VPS50: variants seen among roughly 807,000 people sequenced by gnomAD.
VPS50 encodes the protein VPS50 subunit of EARP/GARPII complex.
VPS50 carries 70 observed loss-of-function variants against 139.7 expected under a neutral mutation model. The observed-to-expected ratio is 0.50, with a 90% CI of 0.41 to 0.61. The LOEUF (loss-of-function observed/expected upper bound fraction) is 0.61. VPS50 is among the 20% of genes least tolerant of loss of function. The pLI is 0.00. For synonymous variants in VPS50, 365 were observed against 376.7 expected (o/e 0.97, Z 0.36); for missense variants, 921 against 1,133.7 (o/e 0.81, Z 2.69).
chr7:93,289,598 A>G (rs982717100), intron 12 of VPS50, among the ~76,000 whole-genome samples: 5 of 152,034 alleles, frequency 3.3e-5, no homozygotes, highest in Admixed American at 1.3e-4. Flanking sequence ...TTCTATATCA[A>G]TGTTAGAGAG....
chr7:93,345,682 T>C (rs1798370014), intron 23 of VPS50, among the ~76,000 whole-genome samples: 1 of 152,028 alleles, frequency 6.6e-6, no homozygotes, highest in South Asian at 2.1e-4. Context: ...TATACACAAA[T>C]CAATAAATGT....
chr7:93,337,824 G>A (rs1246016417), intron 22 of VPS50, among the ~76,000 whole-genome samples: 1 of 152,006 alleles, frequency 6.6e-6, no homozygotes, highest in Non-Finnish European at 1.5e-5. Flanking sequence ...GCTTCTGCTT[G>A]AACATCTCCA....
Position 93,286,189 on chromosome 7 carries a change from CTATT to C in VPS50, c.943-5513_943-5510del, listed in dbSNP as rs141405811. On this transcript the variant is annotated intron_variant, in intron 12 of 27. Coordinates refer to ENST00000305866, the MANE Select transcript of VPS50 (RefSeq NM_017667.4). Reference sequence around the variant, plus strand: ...TGGTAATTAAATTTCGATTTCTTATCTATTCTTAAAAAAATTTCAAGATATGTTA... The same window carrying C: ...TGGTAATTAAATTTCGATTTCTTATCCTTAAAAAAATTTCAAGATATGTTA... Among the ~76,000 whole-genome samples, 358 of 152,148 alleles carry C rather than the reference CTATT, an allele frequency of 2.4e-3. 2 individuals carry two copies. The highest frequency in any genetic ancestry group is 7.9e-3 in the African/African-American group (327 of 41,526).
chr7:93,320,545 T>C (rs1797580950), intron 20 of VPS50: 1 of 148,518 alleles, frequency 6.7e-6, no homozygotes, highest in African/African-American at 2.6e-5. Context: ...TTTTTTTTAG[T>C]AGAGACGGGG....
chr7:93,246,070 C>T (rs1056285219), intron 2 of VPS50: 2 of 1,446,552 alleles, frequency 1.4e-6, no homozygotes, highest in Non-Finnish European at 1.9e-6. Flanking sequence ...AGATTTTGGT[C>T]ACTAAACGCT....
intron 21 of VPS50, among the ~76,000 whole-genome samples, chr7:93,331,660 T>C (rs1483647003): frequency 6.6e-6 from 1 of 152,144 alleles, no homozygotes; most frequent in Non-Finnish European, 1.5e-5. Flanking sequence ...AGAAAATCTT[T>C]GTGACATTTG....
At chr7:93,314,340 G>C (rs979832721) in intron 20 of VPS50, among the ~76,000 whole-genome samples, 6 of 152,180 alleles carry the variant, frequency 3.9e-5, no homozygotes, top group Non-Finnish European at 5.9e-5. Flanking sequence ...GTAAACAAAA[G>C]AGTGTTAATG....
intron 12 of VPS50, among the ~76,000 whole-genome samples, chr7:93,282,004 A>G (rs746418663): frequency 3.3e-5 from 5 of 152,128 alleles, no homozygotes; most frequent in Non-Finnish European, 7.3e-5. Context: ...GGAGATCGAG[A>G]CCATCCTGGC....
chr7:93,256,122 A>G (rs968232324), intron 4 of VPS50, among the ~76,000 whole-genome samples: 8 of 152,316 alleles, frequency 5.3e-5, no homozygotes, highest in African/African-American at 1.9e-4. Context: ...TCTTTTTCCC[A>G]GATATTGTCG....
chr7:93,241,896 G>A (rs985185314), intron 2 of VPS50, among the ~76,000 whole-genome samples: 8 of 151,828 alleles, frequency 5.3e-5, no homozygotes, highest in Non-Finnish European at 7.4e-5. Flanking sequence ...GTTGTTGCTA[G>A]TTCTTGATGA....
rs1796388194 is a variant in VPS50, at chr7:93,283,404, T to A, written c.942+7099T>A. Among the ~76,000 whole-genome samples, 4 of 151,910 alleles carry A rather than the reference T, an allele frequency of 2.6e-5. No individual in the cohort carries two copies. In the South Asian group the frequency reaches 8.3e-4, roughly 32 times the overall value. On this transcript the variant is annotated intron_variant, in intron 12 of 27. Transcript: ENST00000305866. ...GCTCCCACCACCACACCCGGCTAAT[T>A]TTTGTATTTTGATTAGAGACGAGGT...
chr7:93,239,325 AAAGAACTAAAGG>A (rs1794911354), intron 1 of VPS50, among the ~76,000 whole-genome samples: 1 of 152,206 alleles, frequency 6.6e-6, no homozygotes, highest in Non-Finnish European at 1.5e-5. Flanking sequence ...ACAGGGCACC[AAAGAACTAAAGG>A]ACAGGTAAAA....
rs753896446 is a variant in VPS50, at chr7:93,305,925, A to T, written c.1550A>T (p.Tyr517Phe). The T allele has an allele frequency of 4.3e-6, 7 of 1,612,200 alleles. No individual in the cohort carries two copies. The highest frequency in any genetic ancestry group is 5.9e-6 in the Non-Finnish European group (7 of 1,178,552). Residue 517 changes from tyrosine (Y) to phenylalanine (F), a missense_variant, in exon 18 of 28, where the codon TAC becomes TTC. Coordinates refer to ENST00000305866, the MANE Select transcript of VPS50 (RefSeq NM_017667.4). ...SSKTVTLFEQYCSGGNPFEIQ... is the reference protein window; with the variant it reads ...SSKTVTLFEQFCSGGNPFEIQ... The stretch of plus-strand genomic sequence containing the variant: ...AAAACAGTGACCTTGTTTGAGCAGT[A>T]CTGTAGTGGTGGGAATCCATTTGAA...
rs1438083058 is a variant in VPS50 at position 93,358,619 on chromosome 7, CTCT to C, written c.*186_*188del. The C allele has an allele frequency of 1.3e-5, 7 of 523,120 alleles. No homozygotes were observed. The highest frequency in any genetic ancestry group is 1.7e-5 in the Non-Finnish European group (5 of 292,148). 32.4% of individuals were successfully genotyped at this position (523,120 alleles called of 1,614,324 possible). A position where few individuals can be genotyped will look rare whatever the true frequency, so the allele number is the denominator to read the frequency against. ...TCTCATGACTTTTATATGCTGTGGT[CTCT>C]TCAACTTTTGGTCTCATTTGTTGTA... On this transcript the variant is annotated 3_prime_UTR_variant, in exon 28 of 28. Transcript: ENST00000305866.
At chr7:93,300,791 A>C (rs1277854249) in intron 16 of VPS50, among the ~76,000 whole-genome samples, 2 of 151,788 alleles carry the variant, frequency 1.3e-5, no homozygotes, top group East Asian at 1.9e-4. Flanking sequence ...TTACTAACTG[A>C]GAAAAATATA....
chr7:93,265,713 C>T (rs1000809421), intron 9 of VPS50, among the ~76,000 whole-genome samples: 5 of 151,970 alleles, frequency 3.3e-5, no homozygotes, highest in South Asian at 2.1e-4. Flanking sequence ...TACAGGCACA[C>T]GCCACTACAC....
At chr7:93,305,611 T>G (rs1422123296) in intron 17 of VPS50, among the ~76,000 whole-genome samples, 1 of 152,018 alleles carries the variant, frequency 6.6e-6, no homozygotes, top group South Asian at 2.1e-4. Flanking sequence ...ATGATACTGT[T>G]TTAAGTGATA....
At position 93,357,300 on chromosome 7, in the gene VPS50, A is replaced by AT. The variant is rs746917442; in HGVS notation, c.2776-1008dup. Reference sequence around the variant, plus strand: ...TTTCCTCTTTTAATATAGTAGACTGATTTTTTTTTAACTTAGTACTTTGAA... The same window carrying AT: ...TTTCCTCTTTTAATATAGTAGACTGATTTTTTTTTTAACTTAGTACTTTGAA... On this transcript the variant is annotated intron_variant, in intron 27 of 27. Transcript: ENST00000305866. 1.3e-3 allele frequency among the ~76,000 whole-genome samples: 196 copies of AT among 151,700 alleles called. 1 individual carries two copies. The highest frequency in any genetic ancestry group is 7.7e-4 in the East Asian group (4 of 5,166).
intron 20 of VPS50, among the ~76,000 whole-genome samples, chr7:93,319,833 A>C (rs1195782887): frequency 1.3e-5 from 2 of 152,040 alleles, no homozygotes; most frequent in Non-Finnish European, 2.9e-5. Flanking sequence ...CTATTTTCTC[A>C]AATGTTTCCC....
Sources: gnomAD v4.1 joint callset for allele counts (sites outside exome capture counted in the v4.1 genomes callset) on GRCh38, gnomAD v4.1.1 for gene constraint, MANE v1.5 for transcripts, NCBI Gene and HGNC (gene_info 2026-07-23, HGNC 2026-07-21) for gene names.